The following SPAG16 variants were observed in gnomAD, a reference collection of about 807,000 sequenced individuals.
SPAG16 encodes sperm associated antigen 16.
In SPAG16, 86 loss-of-function variants were observed where a neutral mutation model predicts 80.4. The observed-to-expected ratio is 1.07, with a 90% CI of 0.90 to 1.28. The LOEUF (loss-of-function observed/expected upper bound fraction) is 1.28. Ranked by LOEUF, SPAG16 falls within the 50% of genes most tolerant of loss-of-function variation. The pLI, the probability that SPAG16 is intolerant of heterozygous loss-of-function variation, is 0.00. For synonymous variants in SPAG16, 294 were observed against 265.9 expected (o/e 1.11, Z -1.03); for missense variants, 870 against 765.3 (o/e 1.14, Z -1.61).
At chr2:213,440,281 G>A (rs910583129) in intron 9 of SPAG16, among the ~76,000 whole-genome samples, 1 of 152,166 alleles carries the variant, frequency 6.6e-6, no homozygotes, top group African/African-American at 2.4e-5. Context: ...TGGGTGCAGT[G>A]GCTCATGCCT....
At chr2:214,248,410 C>A (rs1330830745) in intron 15 of SPAG16, among the ~76,000 whole-genome samples, 1 of 151,544 alleles carries the variant, frequency 6.6e-6, no homozygotes, top group East Asian at 1.9e-4. Flanking sequence ...TTCCACTCCC[C>A]AGGTTCAGGC....
intron 9 of SPAG16, among the ~76,000 whole-genome samples, chr2:213,414,506 T>C (rs1056488220): frequency 2.6e-5 from 4 of 152,228 alleles, no homozygotes; most frequent in African/African-American, 9.6e-5. Context: ...TTTTAGATTA[T>C]GACTTTTGAG....
intron 9 of SPAG16, among the ~76,000 whole-genome samples, chr2:213,477,286 G>C (rs2073456191): frequency 6.6e-6 from 1 of 152,140 alleles, no homozygotes. Context: ...TCTGTCTCCT[G>C]TATCTATCAA....
chr2:213,574,677 G>C (rs1194893115), intron 10 of SPAG16, among the ~76,000 whole-genome samples: 2 of 146,906 alleles, frequency 1.4e-5, no homozygotes, highest in Admixed American at 6.9e-5. Flanking sequence ...ATATATATAT[G>C]ATATATGATA....
intron 9 of SPAG16, among the ~76,000 whole-genome samples, chr2:213,440,156 A>G (rs979063893): frequency 2.0e-5 from 3 of 152,132 alleles, no homozygotes; most frequent in East Asian, 1.9e-4. Context: ...ATTTAATTCC[A>G]TGGGCCATGA....
rs144328898 is a variant in SPAG16, at chr2:213,846,374, A to G, written c.1071-16111A>G. Among the ~76,000 whole-genome samples the G allele has an allele frequency of 2.7e-4, 41 of 152,136 alleles. No individual in the cohort carries two copies. The East Asian group carries it at 7.9e-3, about 29-fold the overall frequency. Reference sequence around the variant, plus strand: ...TGAAATTACCTGCCAGTAGTACCTGAAGAAACTCCTCTTAGAATAAGATGT... The same window carrying G: ...TGAAATTACCTGCCAGTAGTACCTGGAGAAACTCCTCTTAGAATAAGATGT... On this transcript the variant is annotated intron_variant, in intron 10 of 15. Transcript: ENST00000331683.
intron 15 of SPAG16, among the ~76,000 whole-genome samples, chr2:214,274,165 G>A (rs1692266938): frequency 6.6e-6 from 1 of 152,196 alleles, no homozygotes; most frequent in Non-Finnish European, 1.5e-5. Flanking sequence ...AGACTTTGCT[G>A]AAGTTGCTTC....
intron 10 of SPAG16, among the ~76,000 whole-genome samples, chr2:213,613,836 A>T (rs1222275409): frequency 6.6e-6 from 1 of 152,172 alleles, no homozygotes; most frequent in East Asian, 1.9e-4. Context: ...TCCTCTCCCT[A>T]TAGGAATAAA....
At chr2:213,381,388 A>G (rs1481263253) in intron 9 of SPAG16, among the ~76,000 whole-genome samples, 3 of 152,304 alleles carry the variant, frequency 2.0e-5, no homozygotes, top group South Asian at 2.1e-4. Context: ...GTCCAACATA[A>G]TAAGTATGCC....
intron 15 of SPAG16, among the ~76,000 whole-genome samples, chr2:214,196,946 A>G (rs538732479): frequency 2.6e-5 from 4 of 152,154 alleles, no homozygotes; most frequent in Non-Finnish European, 5.9e-5. Context: ...GAGAAATCTA[A>G]GTGGAGGGAA....
intron 10 of SPAG16, among the ~76,000 whole-genome samples, chr2:213,565,168 C>T (rs949333724): frequency 1.3e-5 from 2 of 152,136 alleles, no homozygotes; most frequent in African/African-American, 4.8e-5. Context: ...ATTTGTTTAC[C>T]TTCTCTTCTC....
intron 10 of SPAG16, among the ~76,000 whole-genome samples, chr2:213,677,171 A>G (rs1013054721): frequency 1.3e-5 from 2 of 152,212 alleles, no homozygotes; most frequent in African/African-American, 4.8e-5. Context: ...TCATGCCAAA[A>G]TGTAGAGACC....
At chr2:213,516,462 C>T (rs748822246) in intron 10 of SPAG16, among the ~76,000 whole-genome samples, 36 of 152,126 alleles carry the variant, frequency 2.4e-4, no homozygotes, top group Non-Finnish European at 2.2e-4. Flanking sequence ...ATCTACATTT[C>T]TTACTTCCTC....
Position 213,744,873 on chromosome 2 carries a change from AG to A in SPAG16, c.1071-117611del, listed in dbSNP as rs1385661399. Among the ~76,000 whole-genome samples the A allele has an allele frequency of 2.6e-5, 4 of 152,370 alleles. No individual in the cohort carries two copies. In the East Asian group the frequency reaches 7.7e-4, roughly 29 times the overall value. On this transcript the variant is annotated intron_variant, in intron 10 of 15. Coordinates refer to ENST00000331683, the MANE Select transcript of SPAG16 (RefSeq NM_024532.5). ...ATATTAACATTTCTGGTGACTCACA[AG>A]AACATCTGTAACAAAATTCTGGCAT...
rs544353186 is a variant in SPAG16 at position 214,042,359 on chromosome 2, G to C, written c.1527+28282G>C. On this transcript the variant is annotated intron_variant, in intron 13 of 15. Coordinates refer to ENST00000331683, the MANE Select transcript of SPAG16 (RefSeq NM_024532.5). ...AGTTATTGTGGTTTTTGCATTAAAA[G>C]TAATGGGAAAAACTGCAGTTACTTT... Among the ~76,000 whole-genome samples, 5 of 151,936 alleles carry C rather than the reference G, an allele frequency of 3.3e-5. No homozygotes were observed. The East Asian group carries it at 7.8e-4, about 24-fold the overall frequency.
chr2:213,531,732 C>A (rs915631108), intron 10 of SPAG16, among the ~76,000 whole-genome samples: 3 of 152,112 alleles, frequency 2.0e-5, no homozygotes, highest in African/African-American at 7.2e-5. Context: ...CATTTACCCC[C>A]AAATTTTTGA....
At chr2:213,623,469 T>C (rs557858972) in intron 10 of SPAG16, among the ~76,000 whole-genome samples, 3 of 152,300 alleles carry the variant, frequency 2.0e-5, no homozygotes, top group African/African-American at 7.2e-5. Flanking sequence ...GGATTTTCTT[T>C]TTAGTATTCC....
chr2:214,201,899 G>A (rs758532134), intron 15 of SPAG16, among the ~76,000 whole-genome samples: 1 of 151,740 alleles, frequency 6.6e-6, no homozygotes, highest in African/African-American at 2.4e-5. Context: ...AGGCCAAAGT[G>A]CAGTGGCACA....
chr2:213,407,600 AGAGAGAG>A, intron 9 of SPAG16, among the ~76,000 whole-genome samples: 1 of 26,824 alleles, frequency 3.7e-5, no homozygotes, highest in Non-Finnish European at 9.1e-5. Context: ...GAGACAGGAG[AGAGAGAG>A]AGAGAGAGAG....
Sources: allele counts gnomAD v4.1 joint callset (sites outside exome capture counted in the v4.1 genomes callset), GRCh38; gene constraint gnomAD v4.1.1; transcripts MANE v1.5; gene names NCBI Gene and HGNC (gene_info 2026-07-23, HGNC 2026-07-21).